AHCYL2: variants seen among roughly 807,000 people sequenced by gnomAD.
AHCYL2 encodes S-adenosylhomocysteine hydrolase-like protein 2.
AHCYL2 carries 28 observed loss-of-function variants against 81.4 expected under a neutral mutation model. The ratio of observed to expected loss-of-function variants is 0.34; its 90% CI spans 0.25 to 0.47. The LOEUF is 0.47. Among genes scored for constraint, AHCYL2 ranks in the 20% least tolerant of loss-of-function variants. The pLI, the probability that AHCYL2 is intolerant of heterozygous loss-of-function variation, is 1.00. For missense variants in AHCYL2, 551 were observed against 785.1 expected, an observed-to-expected ratio of 0.70 and a Z score of 3.56; for synonymous variants, 272 against 290.2, an observed-to-expected ratio of 0.94 and a Z score of 0.64.
intron 1 of AHCYL2, among the ~76,000 whole-genome samples, chr7:129,248,166 T>C (rs559434418): frequency 1.4e-4 from 21 of 152,332 alleles, no homozygotes; most frequent in South Asian, 2.1e-4. Flanking sequence ...TGTGGAGGTA[T>C]GTTTCTAGAC....
chr7:129,374,401 T>C (rs932366723), intron 1 of AHCYL2, among the ~76,000 whole-genome samples: 1 of 152,042 alleles, frequency 6.6e-6, no homozygotes, highest in African/African-American at 2.4e-5. Context: ...AAGTAACATA[T>C]ACACAGAACT....
At chr7:129,275,332 G>A (rs1170130506) in intron 1 of AHCYL2, among the ~76,000 whole-genome samples, 1 of 152,126 alleles carries the variant, frequency 6.6e-6, no homozygotes, top group East Asian at 1.9e-4. Flanking sequence ...AACCCGGGAG[G>A]CAGAGGTTGC....
At chr7:129,311,544 T>A (rs1797657927) in intron 1 of AHCYL2, among the ~76,000 whole-genome samples, 1 of 152,192 alleles carries the variant, frequency 6.6e-6, no homozygotes, top group South Asian at 2.1e-4. Flanking sequence ...CTCTGAAACT[T>A]ACTTCTTCTA....
At chr7:129,389,901 G>T (rs747135290) in intron 4 of AHCYL2, among the ~76,000 whole-genome samples, 167 bp downstream of exon 4, 6 of 152,116 alleles carry the variant, frequency 3.9e-5, no homozygotes, top group Non-Finnish European at 7.3e-5. Flanking sequence ...TTTTATAAAC[G>T]AAGAAGCTGA....
At chr7:129,316,384 A>G (rs1797824851) in intron 1 of AHCYL2, among the ~76,000 whole-genome samples, 3 of 152,214 alleles carry the variant, frequency 2.0e-5, no homozygotes, top group Admixed American at 6.5e-5. Flanking sequence ...GGACTACAGA[A>G]CTTTGTAAGA....
At chr7:129,313,622 C>T (rs1009316223) in intron 1 of AHCYL2, among the ~76,000 whole-genome samples, 7 of 151,862 alleles carry the variant, frequency 4.6e-5, no homozygotes, top group Non-Finnish European at 8.8e-5. Flanking sequence ...GAGAAAGAAG[C>T]GATAGTCAAG....
intron 1 of AHCYL2, among the ~76,000 whole-genome samples, chr7:129,235,771 C>G (rs963465): frequency 0.64 from 97,831 of 152,108 alleles, 32,136 homozygotes; most frequent in Middle Eastern, 0.73. Context: ...AGTAGCACAT[C>G]TTAGAGCTCT....
intron 1 of AHCYL2, among the ~76,000 whole-genome samples, chr7:129,282,478 T>A (rs1796479464): frequency 6.6e-6 from 1 of 152,198 alleles, no homozygotes. Flanking sequence ...TCTTATGTTT[T>A]GTCTGATCTG....
At chr7:129,350,796 C>T (rs551288474) in intron 1 of AHCYL2, among the ~76,000 whole-genome samples, 1 of 150,740 alleles carries the variant, frequency 6.6e-6, no homozygotes, top group South Asian at 2.1e-4. Context: ...CTCTGTATCC[C>T]AGGTTCAAGT....
chr7:129,342,947 C>G (rs1793237391), intron 1 of AHCYL2, among the ~76,000 whole-genome samples: 1 of 152,082 alleles, frequency 6.6e-6, no homozygotes, highest in African/African-American at 2.4e-5. Flanking sequence ...TCATTTACAT[C>G]TTTTAATTAT....
At position 129,349,488 on chromosome 7, in the gene AHCYL2, A is replaced by AAC. The variant is rs1554484828; in HGVS notation, c.364-30150_364-30149insAC. On this transcript the variant is annotated intron_variant, in intron 1 of 16. Coordinates refer to ENST00000325006, the MANE Select transcript of AHCYL2 (RefSeq NM_015328.4). ...TCTACCAAAAAAAAAAAAAAAAAAA[A>AAC]CCCACAAAAATTAGCCAGGCGTGGT... Among the ~76,000 whole-genome samples the AAC allele has an allele frequency of 6.5e-3, 950 of 145,264 alleles. 21 individuals carry two copies. Among genetic ancestry groups the AAC allele is most frequent in the Admixed American group, 0.04 (568 of 14,322 alleles).
At chr7:129,299,929 T>C (rs1370240383) in intron 1 of AHCYL2, among the ~76,000 whole-genome samples, 1 of 152,232 alleles carries the variant, frequency 6.6e-6, no homozygotes. Flanking sequence ...GAAGACTCTT[T>C]TTAAAATTTT....
At chr7:129,248,622 T>A (rs934126068) in intron 1 of AHCYL2, among the ~76,000 whole-genome samples, 1 of 142,606 alleles carries the variant, frequency 7.0e-6, no homozygotes, top group Non-Finnish European at 1.5e-5. Context: ...TGGATACTAT[T>A]TTTTTTTTTT....
At chr7:129,333,125 AT>A (rs1798478137) in intron 1 of AHCYL2, among the ~76,000 whole-genome samples, 1 of 152,014 alleles carries the variant, frequency 6.6e-6, no homozygotes, top group African/African-American at 2.4e-5. Context: ...ATAGCATGGG[AT>A]TTATGATTTT....
In AHCYL2 at chr7:129,406,532, T is replaced by C. The variant is rs886801056; in HGVS notation, c.1295+66T>C. The C allele has an allele frequency of 1.5e-5, 22 of 1,464,110 alleles. No individual in the cohort carries two copies. Among genetic ancestry groups the C allele is most frequent in the African/African-American group, 2.8e-5 (2 of 71,944 alleles). 90.7% of individuals were successfully genotyped at this position (1,464,110 alleles called of 1,614,324 possible). On this transcript the variant is annotated intron_variant, in intron 10 of 16. Transcript: ENST00000325006. The surrounding 1 kb of genome is among the most constrained non-coding windows in gnomAD (Gnocchi z 4.3). Reference sequence around the variant, plus strand: ...TGTCTCCAAAGAATGGCCTGGTTGATGCCACACTTTATTTTAGAGGAGCCC... The same window carrying C: ...TGTCTCCAAAGAATGGCCTGGTTGACGCCACACTTTATTTTAGAGGAGCCC...
chr7:129,293,947 C>T (rs748641222), intron 1 of AHCYL2, among the ~76,000 whole-genome samples: 5 of 152,054 alleles, frequency 3.3e-5, no homozygotes, highest in Non-Finnish European at 5.9e-5. Context: ...TCACAGTCAA[C>T]GTGATTTTTT....
intron 1 of AHCYL2, among the ~76,000 whole-genome samples, chr7:129,288,156 G>A (rs1796704177): frequency 6.6e-6 from 1 of 152,066 alleles, no homozygotes; most frequent in Non-Finnish European, 1.5e-5. Context: ...ATCATATAGT[G>A]CAGTTTATTG....
chr7:129,239,745 T>C (rs746999827), intron 1 of AHCYL2, among the ~76,000 whole-genome samples: 1 of 151,220 alleles, frequency 6.6e-6, no homozygotes, highest in Non-Finnish European at 1.5e-5. Context: ...CACAAAGACA[T>C]AGAAAAATAA....
chr7:129,285,499 T>G (rs1796596038), intron 1 of AHCYL2, among the ~76,000 whole-genome samples: 2 of 151,982 alleles, frequency 1.3e-5, no homozygotes, highest in African/African-American at 4.8e-5. Context: ...GAACCAGGAT[T>G]GAGGAGTCTA....
Sources: gnomAD v4.1 joint callset for allele counts (sites outside exome capture counted in the v4.1 genomes callset) on GRCh38, gnomAD v4.1.1 for gene constraint, Gnocchi (gnomAD v3.1) non-coding constraint, MANE v1.5 for transcripts, NCBI Gene and HGNC (gene_info 2026-07-23, HGNC 2026-07-21) for gene names.